The following NALCN variants were observed in gnomAD, a reference collection of about 807,000 sequenced individuals.
NALCN encodes the protein sodium leak channel, non-selective, also known as sodium leak channel NALCN.
Under a neutral mutation model 225.3 loss-of-function variants are expected in NALCN, and 111 were observed. The ratio of observed to expected loss-of-function variants is 0.49; its 90% CI spans 0.42 to 0.58. NALCN has a LOEUF of 0.58. NALCN is among the 20% of genes least tolerant of loss of function. The probability of loss-of-function intolerance (pLI) is 0.00; values close to 1 mark genes in which losing one functional copy is unlikely to be tolerated. For synonymous variants in NALCN, 764 were observed against 769.0 expected, an observed-to-expected ratio of 0.99 and a Z score of 0.11; for missense variants, 1,378 against 2,202.4, an observed-to-expected ratio of 0.63 and a Z score of 7.49.
intron 30 of NALCN, among the ~76,000 whole-genome samples, chr13:101,087,652 C>T (rs928416916): frequency 1.3e-5 from 2 of 152,146 alleles, no homozygotes; most frequent in Non-Finnish European, 2.9e-5. Context: ...CGCCCCAGAT[C>T]CCCCAAACAG....
At chr13:101,328,285 T>C (rs998343128) in intron 7 of NALCN, among the ~76,000 whole-genome samples, 2 of 152,182 alleles carry the variant, frequency 1.3e-5, no homozygotes, top group Non-Finnish European at 1.5e-5. Flanking sequence ...ATACAGCATA[T>C]ACTAGCAAAG....
chr13:101,320,775 A>AT (rs2044719220), intron 7 of NALCN, among the ~76,000 whole-genome samples: 1 of 151,862 alleles, frequency 6.6e-6, no homozygotes, highest in Non-Finnish European at 1.5e-5. Context: ...CTCGCCTATT[A>AT]TTTTTTTGTT....
chr13:101,266,899 G>T (rs1315486613), intron 10 of NALCN, among the ~76,000 whole-genome samples: 2 of 152,284 alleles, frequency 1.3e-5, no homozygotes, highest in East Asian at 3.9e-4. Context: ...CCAATACAAA[G>T]AATTTATATG....
At chr13:101,415,720 C>CATTT (rs2047924131) in intron 1 of NALCN, among the ~76,000 whole-genome samples, 1 of 152,226 alleles carries the variant, frequency 6.6e-6, no homozygotes. Context: ...TCATAAGGGA[C>CATTT]ATTTAGCAAG....
chr13:101,278,391 C>T lies in NALCN; in HGVS notation c.1134+5542G>A, dbSNP rs868259486. Among the ~76,000 whole-genome samples, 7 of 151,826 alleles carry T rather than the reference C, an allele frequency of 4.6e-5. No individual in the cohort carries two copies. The South Asian group carries it at 8.3e-4, about 18-fold the overall frequency. On this transcript the variant is annotated intron_variant, in intron 10 of 43. Transcript: ENST00000251127. ...TACAAAAATCAGCCAGGCGTGGTGG[C>T]GCATGCCTGTAGTCCCAGCTACTCT...
Position 101,238,036 on chromosome 13 carries a change from C to T in NALCN, c.1267-114G>A. 5 of 790,948 alleles carry T rather than the reference C, an allele frequency of 6.3e-6. No individual in the cohort carries two copies. The South Asian group carries it at 7.1e-5, about 11-fold the overall frequency. The allele number at this position is 790,948 out of a possible 1,614,324, so 49.0% of individuals were successfully genotyped here. On this transcript the variant is annotated intron_variant, in intron 11 of 43. Transcript: ENST00000251127. Reference sequence around the variant, plus strand: ...GCCACTATCATATACACTAAGGTGCCCCATAAGGTCAAGAATGACATTTTA... The same window carrying T: ...GCCACTATCATATACACTAAGGTGCTCCATAAGGTCAAGAATGACATTTTA...
Position 101,378,602 on chromosome 13 carries a change from C to T in NALCN, c.343G>A (p.Val115Ile). ...ACCAAAGAAACCCAAAGGCAAAAGA[C>T]CATAAATCCATCAAAAACACACCAG... ...DRWCVFDGFM[V>I]FCLWVSLVLQ... is the part of the protein sequence containing the mutation. Residue 115 changes from valine to isoleucine, a missense_variant, in exon 4 of 44, where the codon GTC becomes ATC. By Grantham distance (29) the Val-to-Ile change is conservative. This residue lies in a region of NALCN where 146 missense variants were observed against 205.9 expected (regional missense o/e 0.71). Transcript: ENST00000251127. 6.2e-7 allele frequency: 1 copy of T among 1,609,922 alleles called. No homozygotes were observed. The highest frequency in any genetic ancestry group is 1.7e-5 in the Admixed American group (1 of 59,782).
Position 101,062,280 on chromosome 13 carries a change from C to G in NALCN, c.4605-162G>C, listed in dbSNP as rs1360635626. ...GTCTTGGGCTGGTCCTGTCACCTCT[C>G]TGTGTCTCCCTTCCCTCGTCTGTAA... On this transcript the variant is annotated intron_variant, in intron 40 of 43. Transcript: ENST00000251127. 3.3e-5 allele frequency among the ~76,000 whole-genome samples: 5 copies of G among 152,222 alleles called. No individual in the cohort carries two copies. The East Asian group carries it at 9.6e-4, about 29-fold the overall frequency.
intron 28 of NALCN, among the ~76,000 whole-genome samples, chr13:101,094,910 A>G (rs569122288): frequency 9.2e-5 from 14 of 152,350 alleles, no homozygotes; most frequent in Non-Finnish European, 1.8e-4. Flanking sequence ...TAAAAAACAG[A>G]TAATAATTTT....
chr13:101,255,652 G>A (rs1346288425), intron 11 of NALCN, among the ~76,000 whole-genome samples: 1 of 151,948 alleles, frequency 6.6e-6, no homozygotes, highest in Admixed American at 6.6e-5. Context: ...CTGTCTCATC[G>A]ATCTTCCCAC....
At chr13:101,395,895 G>A (rs2047278047) in intron 2 of NALCN, among the ~76,000 whole-genome samples, 1 of 151,898 alleles carries the variant, frequency 6.6e-6, no homozygotes, top group Non-Finnish European at 1.5e-5. Flanking sequence ...CTTTTTAAAT[G>A]AATTGATATA....
intron 7 of NALCN, among the ~76,000 whole-genome samples, chr13:101,304,758 C>CTTTT (rs769247590): frequency 0.056 from 6,921 of 122,684 alleles, 381 homozygotes; most frequent in East Asian, 0.23. Context: ...TTTTTCTTTT[C>CTTTT]TTTTTTTTTT....
chr13:101,416,561 G>C (rs1300186269), upstream of NALCN: 1 of 152,100 alleles, frequency 6.6e-6, no homozygotes. Context: ...CGGAGTTTTC[G>C]GGCCTTTAAA....
chr13:101,158,481 C>A (rs7335725), intron 15 of NALCN, among the ~76,000 whole-genome samples: 1 of 152,138 alleles, frequency 6.6e-6, no homozygotes, highest in Non-Finnish European at 1.5e-5. Flanking sequence ...TGGGGTTCCC[C>A]CAGCCCAGCA....
chr13:101,176,442 T>C (rs915805036), intron 14 of NALCN, 68 bp from the exon 15 acceptor site: 5 of 1,123,376 alleles, frequency 4.5e-6, no homozygotes, highest in Non-Finnish European at 1.3e-6. Context: ...ATATGTATAA[T>C]ATAGCTACCT....
intron 18 of NALCN, among the ~76,000 whole-genome samples, chr13:101,114,086 T>C (rs553874024): frequency 1.3e-5 from 2 of 152,188 alleles, no homozygotes; most frequent in Admixed American, 6.5e-5. Flanking sequence ...CAGCTGCTGA[T>C]GGAAAGTTCT....
intron 15 of NALCN, among the ~76,000 whole-genome samples, chr13:101,157,792 C>T (rs2037978162): frequency 6.7e-6 from 1 of 149,954 alleles, no homozygotes; most frequent in Admixed American, 6.6e-5. Flanking sequence ...TGCTCTGTTG[C>T]CCAGAGCTGG....
At chr13:101,172,052 C>T (rs2038748632) in intron 15 of NALCN, among the ~76,000 whole-genome samples, 1 of 152,124 alleles carries the variant, frequency 6.6e-6, no homozygotes, top group African/African-American at 2.4e-5. Context: ...TTCCAGCTTC[C>T]TGAAGTATTA....
intron 13 of NALCN, among the ~76,000 whole-genome samples, chr13:101,205,539 G>A (rs976764572): frequency 3.3e-5 from 5 of 151,908 alleles, no homozygotes; most frequent in African/African-American, 9.7e-5. Context: ...ACTTCCCACC[G>A]ATTATGTTAA....
Sources: gnomAD v4.1 joint callset for allele counts (sites outside exome capture counted in the v4.1 genomes callset) on GRCh38, gnomAD v4.1.1 for gene constraint, gnomAD v4.1.1 regional missense constraint, MANE v1.5 for transcripts, NCBI Gene and HGNC (gene_info 2026-07-23, HGNC 2026-07-21) for gene names.